The following CEP170 variants were observed in gnomAD, a reference collection of about 807,000 sequenced individuals.
CEP170 encodes centrosomal protein of 170 kDa.
A neutral mutation model predicts 151.9 loss-of-function variants in CEP170; 21 were observed. That is an observed-to-expected ratio of 0.14 (90% confidence interval 0.10 to 0.20). The LOEUF (loss-of-function observed/expected upper bound fraction) is 0.20, where lower values mean the gene tolerates loss of function less well. Among genes scored for constraint, CEP170 ranks in the 10% least tolerant of loss-of-function variants. The pLI is 1.00. For synonymous variants in CEP170, 356 were observed against 648.8 expected (o/e 0.55, Z 6.86); for missense variants, 964 against 1,892.9 (o/e 0.51, Z 9.11).
intron 12 of CEP170, among the ~76,000 whole-genome samples, 181 bp from the exon 13 acceptor site, chr1:243,166,297 T>C (rs1414203826): frequency 6.6e-6 from 1 of 152,214 alleles, no homozygotes; most frequent in Non-Finnish European, 1.5e-5. Flanking sequence ...TATTTGTATA[T>C]AACCTACTCA....
chr1:243,154,135 T>C (rs1259892681), intron 14 of CEP170, among the ~76,000 whole-genome samples: 1 of 152,258 alleles, frequency 6.6e-6, no homozygotes, highest in Non-Finnish European at 1.5e-5. Context: ...ACAGTTACTA[T>C]GTACAGATTA....
In CEP170 at chr1:243,125,525, A is replaced by G. The variant is rs1307495327; in HGVS notation, c.*924T>C. 1 of 152,730 alleles carries G rather than the reference A, an allele frequency of 6.5e-6. No homozygotes were observed. Among genetic ancestry groups the G allele is most frequent in the Non-Finnish European group, 1.5e-5 (1 of 68,118 alleles). The allele number at this position is 152,730 out of a possible 1,614,324, so 9.5% of individuals were successfully genotyped here. A position where few individuals can be genotyped will look rare whatever the true frequency, so the allele number is the denominator to read the frequency against. ...GGAATTTCTTTTTCAACTGTCACAT[A>G]TAAACTTGGTAACACAGGACCAATA... On this transcript the variant is annotated 3_prime_UTR_variant, in exon 20 of 20. Transcript: ENST00000366542.
At chr1:243,181,961 G>A (rs1247609461) in intron 10 of CEP170, among the ~76,000 whole-genome samples, 1 of 152,042 alleles carries the variant, frequency 6.6e-6, no homozygotes, top group Non-Finnish European at 1.5e-5. Context: ...TACTGCTATG[G>A]TTTGGATGTG....
chr1:243,247,044 C>T (rs919820618), intron 1 of CEP170, among the ~76,000 whole-genome samples: 15 of 152,154 alleles, frequency 9.9e-5, no homozygotes, highest in Admixed American at 9.2e-4. Flanking sequence ...TTCCCCCACC[C>T]TCCTGCTTCC....
intron 3 of CEP170, among the ~76,000 whole-genome samples, chr1:243,214,422 A>C (rs1193427981): frequency 6.6e-6 from 1 of 150,676 alleles, no homozygotes; most frequent in Non-Finnish European, 1.5e-5. Flanking sequence ...AGTAGCTGGG[A>C]TTACAGGCAC....
chr1:243,169,955 T>C (rs1189525394), intron 11 of CEP170, among the ~76,000 whole-genome samples: 1 of 152,166 alleles, frequency 6.6e-6, no homozygotes, highest in African/African-American at 2.4e-5. Flanking sequence ...AAAAAAACTA[T>C]GTTACTAAAA....
intron 1 of CEP170, among the ~76,000 whole-genome samples, chr1:243,235,263 CG>C (rs1263070395): frequency 1.3e-5 from 2 of 152,098 alleles, no homozygotes; most frequent in East Asian, 3.9e-4. Context: ...CTCTTCAGGC[CG>C]GGGTGGTCTA....
intron 10 of CEP170, among the ~76,000 whole-genome samples, chr1:243,182,649 T>A (rs1454440815): frequency 6.6e-6 from 1 of 152,198 alleles, no homozygotes; most frequent in Non-Finnish European, 1.5e-5. Context: ...TCGAGTCCAA[T>A]CTCATCTCTT....
chr1:243,239,311 C>T (rs2064574748), intron 1 of CEP170, among the ~76,000 whole-genome samples: 1 of 152,090 alleles, frequency 6.6e-6, no homozygotes. Context: ...TCATTATGTC[C>T]CTTTGATTCC....
chr1:243,173,323 C>A (rs1475518722), intron 10 of CEP170, among the ~76,000 whole-genome samples: 1 of 151,428 alleles, frequency 6.6e-6, no homozygotes, highest in Admixed American at 6.6e-5. Flanking sequence ...GCCTCCCAAA[C>A]TGCTGGGATT....
intron 8 of CEP170, among the ~76,000 whole-genome samples, chr1:243,189,767 TAGG>T (rs2060188898): frequency 2.6e-5 from 4 of 152,016 alleles, no homozygotes; most frequent in African/African-American, 2.4e-5. Context: ...TATACTGTAC[TAGG>T]AGATCAATAT....
chr1:243,231,069 AAGCAGTGGGAT>A (rs949542611), intron 1 of CEP170, among the ~76,000 whole-genome samples: 3 of 150,018 alleles, frequency 2.0e-5, no homozygotes, highest in African/African-American at 7.3e-5. Context: ...GGAGACTAGA[AAGCAGTGGGAT>A]AGCAGTGGGA....
At position 243,254,203 on chromosome 1, in the gene CEP170, TAA is replaced by T. The variant is rs1173307957; in HGVS notation, c.-42+835_-42+836del. On this transcript the variant is annotated intron_variant, in intron 1 of 19. Transcript: ENST00000366542. ...ACATTCCTCAAAATAAATAAATAAA[TAA>T]ATAAATAAATAAATAAAACTCTACG... 4.0e-5 allele frequency: 6 copies of T among 151,846 alleles called. No homozygotes were observed. The East Asian group carries it at 1.2e-3, about 29-fold the overall frequency. The allele number at this position is 151,846 out of a possible 1,614,324, so 9.4% of individuals were successfully genotyped here.
At chr1:243,251,118 A>C (rs2065897450) in intron 1 of CEP170, among the ~76,000 whole-genome samples, 1 of 152,196 alleles carries the variant, frequency 6.6e-6, no homozygotes, top group Admixed American at 6.5e-5. Context: ...CAGTGGGAAG[A>C]AGTTATATAG....
intron 3 of CEP170, among the ~76,000 whole-genome samples, chr1:243,218,308 G>A (rs2062489736): frequency 6.6e-6 from 1 of 152,214 alleles, no homozygotes; most frequent in Admixed American, 6.5e-5. Flanking sequence ...GTAACAAATG[G>A]CAGGCTTGCA....
chr1:243,206,266 T>C (rs2061415062), intron 4 of CEP170, among the ~76,000 whole-genome samples: 1 of 152,164 alleles, frequency 6.6e-6, no homozygotes, highest in Non-Finnish European at 1.5e-5. Context: ...CCGGAGTAGC[T>C]GGGATTACAG....
intron 1 of CEP170, among the ~76,000 whole-genome samples, chr1:243,249,385 C>T (rs2065724402): frequency 1.3e-5 from 2 of 151,318 alleles, no homozygotes; most frequent in African/African-American, 4.9e-5. Context: ...GCCCCTGTAC[C>T]CCATCCTGGG....
chr1:243,203,456 CG>C (rs1247219485), intron 4 of CEP170, among the ~76,000 whole-genome samples: 1 of 152,144 alleles, frequency 6.6e-6, no homozygotes, highest in Non-Finnish European at 1.5e-5. Context: ...TTCTTAGATA[CG>C]GTTCCTCCCA....
chr1:243,169,440 T>C (rs2058673680), intron 12 of CEP170, 188 bp downstream of exon 12: 1 of 1,093,726 alleles, frequency 9.1e-7, no homozygotes, highest in African/African-American at 1.6e-5. Flanking sequence ...AATTCATTTA[T>C]CAGCATGAGA....
Sources: gnomAD v4.1 joint callset for allele counts (sites outside exome capture counted in the v4.1 genomes callset) on GRCh38, gnomAD v4.1.1 for gene constraint, MANE v1.5 for transcripts, NCBI Gene and HGNC (gene_info 2026-07-23, HGNC 2026-07-21) for gene names.